SLC4A10: variants seen among roughly 807,000 people sequenced by gnomAD.
SLC4A10 encodes solute carrier family 4 member 10, also known as sodium-driven chloride bicarbonate exchanger.
In SLC4A10, 42 loss-of-function variants were observed where a neutral mutation model predicts 137.7. The observed-to-expected ratio is 0.30, with a 90% CI of 0.24 to 0.39. The LOEUF (loss-of-function observed/expected upper bound fraction) is 0.39. SLC4A10 is among the 10% of genes least tolerant of loss of function. The pLI is 1.00. For synonymous variants in SLC4A10, 474 were observed against 464.1 expected, an observed-to-expected ratio of 1.02 and a Z score of -0.27; for missense variants, 925 against 1,355.0, an observed-to-expected ratio of 0.68 and a Z score of 4.98.
intron 1 of SLC4A10, among the ~76,000 whole-genome samples, chr2:161,674,904 G>A (rs1033321831): frequency 6.6e-6 from 1 of 152,108 alleles, no homozygotes. Context: ...GTCCATTCAG[G>A]CATTAAAAAT....
At chr2:161,800,008 T>A (rs1054357834) in intron 2 of SLC4A10, among the ~76,000 whole-genome samples, 3 of 152,004 alleles carry the variant, frequency 2.0e-5, no homozygotes, top group African/African-American at 7.2e-5. Context: ...GGGGAGAGAA[T>A]GAGAAGGTCC....
chr2:161,884,025 T>A (rs2062022901), intron 10 of SLC4A10, among the ~76,000 whole-genome samples: 1 of 152,126 alleles, frequency 6.6e-6, no homozygotes. Context: ...AATGAATAAC[T>A]TATTCTATTT....
intron 2 of SLC4A10, among the ~76,000 whole-genome samples, chr2:161,788,205 G>A (rs756213275): frequency 6.6e-6 from 1 of 151,876 alleles, no homozygotes; most frequent in Non-Finnish European, 1.5e-5. Context: ...CCTTTGTGTG[G>A]TGGCTTTCTC....
chr2:161,773,515 G>A (rs530254671), intron 2 of SLC4A10, among the ~76,000 whole-genome samples: 11 of 151,688 alleles, frequency 7.3e-5, no homozygotes, highest in South Asian at 4.2e-4. Context: ...ACAGATAAAC[G>A]CGTTTAAAAA....
At chr2:161,682,729 C>T (rs893633236) in intron 1 of SLC4A10, among the ~76,000 whole-genome samples, 14 of 151,992 alleles carry the variant, frequency 9.2e-5, no homozygotes, top group East Asian at 5.8e-4. Flanking sequence ...AAAAGCTGAA[C>T]GGCTAGGTAT....
chr2:161,656,016 G>T (rs937511217), intron 1 of SLC4A10, among the ~76,000 whole-genome samples: 1 of 151,956 alleles, frequency 6.6e-6, no homozygotes, highest in Non-Finnish European at 1.5e-5. Context: ...GTTTCACCGT[G>T]TTGGTCAGGC....
At chr2:161,785,778 A>G (rs2053556789) in intron 2 of SLC4A10, among the ~76,000 whole-genome samples, 1 of 151,978 alleles carries the variant, frequency 6.6e-6, no homozygotes, top group Non-Finnish European at 1.5e-5. Context: ...AAGTTCAGGA[A>G]CAAGGCAAGG....
chr2:161,787,859 A>G (rs1450613111), intron 2 of SLC4A10, among the ~76,000 whole-genome samples: 3 of 152,084 alleles, frequency 2.0e-5, no homozygotes, highest in Non-Finnish European at 4.4e-5. Flanking sequence ...TCTCTTGGAT[A>G]TCATTGCACT....
intron 15 of SLC4A10, among the ~76,000 whole-genome samples, chr2:161,925,883 G>C (rs1047746580): frequency 6.6e-6 from 1 of 152,132 alleles, no homozygotes; most frequent in Admixed American, 6.6e-5. Flanking sequence ...TCTTAATCCT[G>C]AGTTCTAGTT....
intron 3 of SLC4A10, 135 bp downstream of exon 3, chr2:161,804,730 G>T: frequency 1.4e-6 from 1 of 693,592 alleles, no homozygotes; most frequent in South Asian, 4.4e-5. Context: ...CGGTTGGAGA[G>T]AAGTGGGAGA....
intron 6 of SLC4A10, among the ~76,000 whole-genome samples, chr2:161,867,236 C>T (rs1408997487): frequency 1.3e-5 from 2 of 151,878 alleles, no homozygotes; most frequent in Admixed American, 1.3e-4. Flanking sequence ...GTAGTTACTT[C>T]TTTTACAAAT....
At chr2:161,699,993 T>A (rs1306207914) in intron 1 of SLC4A10, among the ~76,000 whole-genome samples, 1 of 152,162 alleles carries the variant, frequency 6.6e-6, no homozygotes, top group East Asian at 1.9e-4. Flanking sequence ...CCACAGAAAT[T>A]TTGTAACTGA....
intron 2 of SLC4A10, among the ~76,000 whole-genome samples, chr2:161,795,625 C>T (rs2125559103): frequency 6.6e-6 from 1 of 152,112 alleles, no homozygotes; most frequent in African/African-American, 2.4e-5. Flanking sequence ...TTTAAGTATA[C>T]AATGCAGTAT....
At chr2:161,930,963 G>T (rs370975873) in intron 15 of SLC4A10, among the ~76,000 whole-genome samples, 1 of 149,574 alleles carries the variant, frequency 6.7e-6, no homozygotes, top group Non-Finnish European at 1.5e-5. Flanking sequence ...GACGCGTCTC[G>T]CTCTGTGGCC....
intron 1 of SLC4A10, chr2:161,708,776 A>G (rs2043960407): frequency 1.3e-6 from 2 of 1,532,686 alleles, no homozygotes; most frequent in Non-Finnish European, 8.7e-7. Flanking sequence ...TTCTGGAAAT[A>G]GAAAGGTCAT....
At chr2:161,816,734 G>GT (rs1444830416) in intron 3 of SLC4A10, among the ~76,000 whole-genome samples, 2 of 149,838 alleles carry the variant, frequency 1.3e-5, no homozygotes, top group Admixed American at 1.4e-4. Context: ...GCGGTGTTTG[G>GT]TTTTTTGTCC....
chr2:161,828,741 G>A (rs1179031514), intron 3 of SLC4A10, among the ~76,000 whole-genome samples: 1 of 106,774 alleles, frequency 9.4e-6, no homozygotes, highest in African/African-American at 3.5e-5. Flanking sequence ...CTGGATTCCA[G>A]CTTTTCCTTG....
chr2:161,747,523 C>T (rs575209473), intron 1 of SLC4A10, among the ~76,000 whole-genome samples: 6 of 152,184 alleles, frequency 3.9e-5, no homozygotes, highest in Middle Eastern at 3.4e-3. Context: ...TGTGATTACT[C>T]GCCTGATTTT....
chr2:161,967,227 C>T (rs1431495227), intron 23 of SLC4A10, among the ~76,000 whole-genome samples: 2 of 152,056 alleles, frequency 1.3e-5, no homozygotes, highest in Admixed American at 6.6e-5. Flanking sequence ...GGTTCATTGG[C>T]GTGTCTACAT....
Sources: allele counts gnomAD v4.1 joint callset (sites outside exome capture counted in the v4.1 genomes callset), GRCh38; gene constraint gnomAD v4.1.1; transcripts MANE v1.5; gene names NCBI Gene and HGNC (gene_info 2026-07-23, HGNC 2026-07-21).